The following PCDH15 variants were observed in gnomAD, a reference collection of about 807,000 sequenced individuals.
PCDH15 encodes the protein protocadherin-15.
A neutral mutation model predicts 178.5 loss-of-function variants in PCDH15; 129 were observed. That is an observed-to-expected ratio of 0.72 (90% confidence interval 0.63 to 0.84). The LOEUF (loss-of-function observed/expected upper bound fraction) is 0.84, where lower values mean the gene tolerates loss of function less well. PCDH15 is among the 40% of genes least tolerant of loss of function. The pLI is 0.00. For synonymous variants in PCDH15, 800 were observed against 732.0 expected, an observed-to-expected ratio of 1.09 and a Z score of -1.50; for missense variants, 2,230 against 2,099.9, an observed-to-expected ratio of 1.06 and a Z score of -1.21.
At chr10:53,819,984 A>G (rs186494063) in intron 33 of PCDH15, among the ~76,000 whole-genome samples, 181 bp downstream of exon 33, 2 of 152,034 alleles carry the variant, frequency 1.3e-5, no homozygotes, top group Non-Finnish European at 2.9e-5. Flanking sequence ...AAAAGGCAAT[A>G]TAACAATTTA....
intron 10 of PCDH15, among the ~76,000 whole-genome samples, chr10:54,205,481 T>TTGTGTGTGTGTGTGTGTGTGTGTGTG (rs71461223): frequency 2.6e-4 from 35 of 135,172 alleles, no homozygotes; most frequent in South Asian, 4.9e-4. Flanking sequence ...TATATTTCCT[T>TTGTGTGTGTGTGTGTGTGTGTGTGTG]TGTGTGTGTG....
intron 20 of PCDH15, among the ~76,000 whole-genome samples, chr10:54,015,321 C>T (rs1426378967): frequency 1.3e-5 from 2 of 152,040 alleles, no homozygotes; most frequent in East Asian, 3.8e-4. Context: ...ATTAAAATGG[C>T]CATACTGCCC....
chr10:54,603,692 A>C (rs1438235233), intron 2 of PCDH15, among the ~76,000 whole-genome samples: 1 of 151,884 alleles, frequency 6.6e-6, no homozygotes, highest in African/African-American at 2.4e-5. Flanking sequence ...TAGAGTAAAA[A>C]TCTTAGAGGC....
At chr10:55,165,637 C>T (rs1193178685) in intron 2 of PCDH15, among the ~76,000 whole-genome samples, 1 of 151,886 alleles carries the variant, frequency 6.6e-6, no homozygotes. Flanking sequence ...AAATGCTATT[C>T]ATATACTCGT....
intron 1 of PCDH15, among the ~76,000 whole-genome samples, chr10:55,210,674 G>A (rs1440657425): frequency 7.7e-6 from 1 of 129,482 alleles, no homozygotes; most frequent in Non-Finnish European, 1.6e-5. Flanking sequence ...CTGTCGCCAG[G>A]CTGGAGTGTA....
intron 26 of PCDH15, among the ~76,000 whole-genome samples, chr10:53,888,359 C>CATATATATACATAT (rs2081296009): frequency 1.9e-5 from 2 of 107,142 alleles, no homozygotes; most frequent in African/African-American, 8.3e-5. Context: ...CGTATATATA[C>CATATATATACATAT]ATATATATAT....
At chr10:55,382,674 C>T (rs1017574701) in intron 2 of PCDH15, among the ~76,000 whole-genome samples, 4 of 152,174 alleles carry the variant, frequency 2.6e-5, no homozygotes, top group Admixed American at 2.6e-4. Flanking sequence ...TTGTAGAAAA[C>T]TAATATGCCC....
chr10:54,942,098 G>A (rs1014012290), intron 2 of PCDH15, among the ~76,000 whole-genome samples: 1 of 152,010 alleles, frequency 6.6e-6, no homozygotes, highest in Non-Finnish European at 1.5e-5. Flanking sequence ...GGAATCAAAG[G>A]CCAACGTTTA....
At chr10:54,861,179 C>T (rs1953835732) in intron 3 of PCDH15, among the ~76,000 whole-genome samples, 1 of 152,028 alleles carries the variant, frequency 6.6e-6, no homozygotes, top group African/African-American at 2.4e-5. Flanking sequence ...TCTGGAGTAA[C>T]ATATCTACAG....
intron 3 of PCDH15, among the ~76,000 whole-genome samples, chr10:54,381,924 G>A (rs1446171378): frequency 6.6e-5 from 10 of 152,086 alleles, no homozygotes; most frequent in South Asian, 4.2e-4. Flanking sequence ...GTGGATAACC[G>A]CATTTACCCT....
chr10:55,253,760 G>C (rs1592023620), intron 1 of PCDH15, among the ~76,000 whole-genome samples: 1 of 152,134 alleles, frequency 6.6e-6, no homozygotes. Context: ...GGCTACATTT[G>C]TAAAATGGGT....
intron 26 of PCDH15, among the ~76,000 whole-genome samples, chr10:53,888,257 T>C (rs771597488): frequency 1.0e-4 from 14 of 138,872 alleles, no homozygotes; most frequent in East Asian, 4.3e-4. Context: ...TGTAGACCAA[T>C]TGGATACAAA....
At chr10:54,890,841 A>T (rs1039570917) in intron 3 of PCDH15, among the ~76,000 whole-genome samples, 1 of 152,000 alleles carries the variant, frequency 6.6e-6, no homozygotes, top group African/African-American at 2.4e-5. Flanking sequence ...ATATATTGCA[A>T]CTCATCTAGA....
chr10:53,819,436 A>C (rs538479768), intron 33 of PCDH15, among the ~76,000 whole-genome samples: 1 of 152,032 alleles, frequency 6.6e-6, no homozygotes, highest in Non-Finnish European at 1.5e-5. Flanking sequence ...AAAGAGGTAC[A>C]TAACAGAACT....
chr10:55,324,783 C>T (rs1843989211), intron 2 of PCDH15, among the ~76,000 whole-genome samples: 1 of 152,034 alleles, frequency 6.6e-6, no homozygotes, highest in Non-Finnish European at 1.5e-5. Context: ...GTCAAACTAT[C>T]CCAGTTTTCA....
intron 27 of PCDH15, 132 bp downstream of exon 27, chr10:53,866,510 A>G (rs1419891250): frequency 2.0e-5 from 13 of 644,602 alleles, no homozygotes; most frequent in Non-Finnish European, 3.4e-5. Context: ...GTGACTAACA[A>G]TCTGAGTGAA....
intron 2 of PCDH15, among the ~76,000 whole-genome samples, chr10:54,536,202 C>A (rs2084501045): frequency 1.3e-5 from 2 of 152,110 alleles, no homozygotes; most frequent in Admixed American, 6.5e-5. Flanking sequence ...ACTCTTAGGA[C>A]CTTTGAAAGT....
chr10:55,260,149 C>T (rs539723885), intron 1 of PCDH15, among the ~76,000 whole-genome samples: 68 of 151,074 alleles, frequency 4.5e-4, no homozygotes, highest in Middle Eastern at 6.8e-3. Flanking sequence ...CTGCCCTTCT[C>T]GGTGACAGTA....
chr10:55,490,265 A>T (rs1840382790), intron 2 of PCDH15, among the ~76,000 whole-genome samples: 1 of 151,762 alleles, frequency 6.6e-6, no homozygotes, highest in Non-Finnish European at 1.5e-5. Context: ...AGGGACACTA[A>T]GGTTCCTAGA....
Sources: allele counts gnomAD v4.1 joint callset (sites outside exome capture counted in the v4.1 genomes callset), GRCh38; gene constraint gnomAD v4.1.1; transcripts MANE v1.5; gene names NCBI Gene and HGNC (gene_info 2026-07-23, HGNC 2026-07-21).